The following CATSPERT variants were observed in gnomAD, a reference collection of about 807,000 sequenced individuals.
CATSPERT encodes cation channel sperm-associated targeting subunit tau.
chr2:201,497,981 A>C, the CATSPERT span, among the ~76,000 whole-genome samples: 77 of 152,316 alleles, frequency 5.1e-4, no homozygotes, highest in African/African-American at 1.8e-3. Flanking sequence ...AATTGACTTA[A>C]TGGAAAAACC....
chr2:201,531,863 T>A, the CATSPERT span, among the ~76,000 whole-genome samples: 486 of 152,302 alleles, frequency 3.2e-3, no homozygotes, highest in Middle Eastern at 6.8e-3. Flanking sequence ...GGTGAGAAGT[T>A]TGGACTTTAT....
chr2:201,607,066 A>T, the CATSPERT span, among the ~76,000 whole-genome samples: 1 of 152,120 alleles, frequency 6.6e-6, no homozygotes. Context: ...GAAATTAATT[A>T]ATAAAATGAT....
At chr2:201,593,424 G>C in the CATSPERT span, among the ~76,000 whole-genome samples, 1 of 151,736 alleles carries the variant, frequency 6.6e-6, no homozygotes, top group Non-Finnish European at 1.5e-5. Context: ...TTTTGGAATA[G>C]GTGTGTTACG....
At chr2:201,530,961 G>GATTTTT in the CATSPERT span, among the ~76,000 whole-genome samples, 2 of 106,042 alleles carry the variant, frequency 1.9e-5, 1 homozygote, top group South Asian at 6.8e-4. Flanking sequence ...TTTTTTGTGG[G>GATTTTT]TTTTTTTTTT....
chr2:201,551,253 T>TA, the CATSPERT span, among the ~76,000 whole-genome samples: 1 of 152,172 alleles, frequency 6.6e-6, no homozygotes, highest in African/African-American at 2.4e-5. Flanking sequence ...ATTTTATCAT[T>TA]TACTACCATA....
chr2:201,581,516 A>ATATATC, the CATSPERT span, among the ~76,000 whole-genome samples: 1 of 62,838 alleles, frequency 1.6e-5, no homozygotes, highest in Non-Finnish European at 3.0e-5. Context: ...ATATATATAT[A>ATATATC]TATATATAAA....
At chr2:201,540,342 A>G in the CATSPERT span, among the ~76,000 whole-genome samples, 3,883 of 152,364 alleles carry the variant, frequency 0.025, 83 homozygotes, top group African/African-American at 0.06. Flanking sequence ...TACTGAAAGA[A>G]GGTGTCATCT....
At chr2:201,604,452 T>G in the CATSPERT span, among the ~76,000 whole-genome samples, 1 of 152,196 alleles carries the variant, frequency 6.6e-6, no homozygotes, top group Non-Finnish European at 1.5e-5. Context: ...TGAATCAGGA[T>G]GTTTTCCATA....
chr2:201,549,998 C>T, the CATSPERT span: 1 of 152,126 alleles, frequency 6.6e-6, no homozygotes, highest in South Asian at 2.1e-4. Context: ...ATAATCCCTA[C>T]AACAGACCTT....
At chr2:201,570,357 G>A in the CATSPERT span, among the ~76,000 whole-genome samples, 19 of 152,174 alleles carry the variant, frequency 1.2e-4, no homozygotes, top group Admixed American at 5.2e-4. Flanking sequence ...TATATATGGA[G>A]TACATTCCTG....
At chr2:201,564,062 G>A in the CATSPERT span, among the ~76,000 whole-genome samples, 1 of 152,274 alleles carries the variant, frequency 6.6e-6, no homozygotes, top group African/African-American at 2.4e-5. Flanking sequence ...GAAAACACCC[G>A]GTTGGGACCC....
the CATSPERT span, among the ~76,000 whole-genome samples, chr2:201,611,431 A>C: frequency 6.6e-6 from 1 of 152,230 alleles, no homozygotes; most frequent in Non-Finnish European, 1.5e-5. Flanking sequence ...AAATGGAAAC[A>C]CAATATACTC....
the CATSPERT span, chr2:201,618,805 T>C: frequency 1.9e-6 from 2 of 1,069,858 alleles, no homozygotes; most frequent in Non-Finnish European, 1.3e-6. Flanking sequence ...GGAGATGCAA[T>C]TGGCACACAT....
chr2:201,513,915 A>C, the CATSPERT span, among the ~76,000 whole-genome samples: 4 of 152,222 alleles, frequency 2.6e-5, no homozygotes, highest in Non-Finnish European at 4.4e-5. Flanking sequence ...AAATCTTCAA[A>C]TGTTAGGAAA....
the CATSPERT span, among the ~76,000 whole-genome samples, chr2:201,530,177 T>A: frequency 6.6e-6 from 1 of 152,312 alleles, no homozygotes; most frequent in Non-Finnish European, 1.5e-5. Context: ...TACAGCCATT[T>A]TAGAAAGTAG....
the CATSPERT span, among the ~76,000 whole-genome samples, chr2:201,500,518 TAAAAACAAAAAATA>T: frequency 1.3e-5 from 2 of 151,410 alleles, no homozygotes; most frequent in African/African-American, 4.9e-5. Context: ...TGTTTCAAAA[TAAAAACAAAAAATA>T]AAAAACAAAA....
the CATSPERT span, among the ~76,000 whole-genome samples, chr2:201,574,975 A>C: frequency 1.4e-4 from 21 of 151,580 alleles, no homozygotes; most frequent in Non-Finnish European, 7.4e-5. Context: ...TCAAGGCAGC[A>C]GCCAGAGGCA....
chr2:201,520,102 T>A, the CATSPERT span, among the ~76,000 whole-genome samples: 93,157 of 151,916 alleles, frequency 0.61, 30,323 homozygotes, highest in East Asian at 0.95. Flanking sequence ...AACAAAAGGA[T>A]CAAGTCAGCA....
the CATSPERT span, among the ~76,000 whole-genome samples, chr2:201,592,187 T>G: frequency 1.3e-5 from 2 of 152,176 alleles, no homozygotes; most frequent in Non-Finnish European, 2.9e-5. Context: ...GTTTTTAGCA[T>G]GAAAGGTTGT....
Sources: allele counts gnomAD v4.1 joint callset (sites outside exome capture counted in the v4.1 genomes callset), GRCh38; gene constraint gnomAD v4.1.1; transcripts MANE v1.5; gene names NCBI Gene and HGNC (gene_info 2026-07-23, HGNC 2026-07-21).